PI4KA: variants seen among roughly 807,000 people sequenced by gnomAD.
PI4KA encodes phosphatidylinositol 4-kinase alpha.
In PI4KA, 122 loss-of-function variants were observed where a neutral mutation model predicts 271.4. The ratio of observed to expected loss-of-function variants is 0.45; its 90% CI spans 0.39 to 0.52. The LOEUF is 0.52. PI4KA is among the 20% of genes least tolerant of loss of function. PI4KA has a pLI of 0.00. For synonymous variants in PI4KA, 1,041 were observed against 1,078.8 expected (o/e 0.96, Z 0.69); for missense variants, 1,969 against 2,769.1 (o/e 0.71, Z 6.48).
chr22:20,708,420 G>A (rs2147156321), intron 54 of PI4KA, among the ~76,000 whole-genome samples: 1 of 151,004 alleles, frequency 6.6e-6, no homozygotes, highest in East Asian at 2.0e-4. Context: ...CACCTCTGGA[G>A]AGCCCCTTCT....
rs1438476251 is a variant in PI4KA, at chr22:20,721,338, C to T, written c.5076G>A (p.Lys1692=). Residue 1692 remains lysine (K), a synonymous_variant, in exon 43 of 55, where the codon AAG becomes AAA. Transcript: ENST00000255882. Reference sequence around the variant, plus strand: ...CCTCTTCATCTAGATAAATGTTAGTCTTCATGTTCCAGATGAACTGGTGTG... The same window carrying T: ...CCTCTTCATCTAGATAAATGTTAGTTTTCATGTTCCAGATGAACTGGTGTG... ...LLAHQFIWNM[K]TNIYLDEEGH... The T allele has an allele frequency of 6.2e-7, 1 of 1,613,980 alleles. No individual in the cohort carries two copies. Among genetic ancestry groups the T allele is most frequent in the South Asian group, 1.1e-5 (1 of 91,076 alleles).
Position 20,765,239 on chromosome 22 carries a change from G to A in PI4KA, c.2438-3C>T, listed in dbSNP as rs781007663. ...GTACCATTCTTCTGGCCAGAGTCCT[G>A]CAATAAAGTGAACATAAATGAGGAA... On this transcript the variant is annotated splice_polypyrimidine_tract_variant and splice_region_variant and intron_variant, in intron 20 of 54. Transcript: ENST00000255882. The A allele has an allele frequency of 2.5e-5, 40 of 1,599,408 alleles. 1 individual carries two copies. The South Asian group carries it at 4.1e-4, about 17-fold the overall frequency.
chr22:20,763,021 G>C (rs76514676), intron 22 of PI4KA, among the ~76,000 whole-genome samples: 614 of 52,570 alleles, frequency 0.012, 10 homozygotes, highest in Non-Finnish European at 0.021. Flanking sequence ...TTTTTTTGGG[G>C]GGGGGGGGGG....
chr22:20,850,302 A>C (rs562480492), intron 1 of PI4KA, among the ~76,000 whole-genome samples: 35 of 151,994 alleles, frequency 2.3e-4, no homozygotes, highest in African/African-American at 8.2e-4. Context: ...TTGGGAGGCC[A>C]AGGCAGGTGG....
intron 19 of PI4KA, chr22:20,784,363 T>C (rs1313776831): frequency 1.5e-6 from 2 of 1,353,516 alleles, no homozygotes; most frequent in Non-Finnish European, 2.1e-6. Context: ...CCCAAGAACT[T>C]CCATACAGGG....
At chr22:20,840,565 C>T (rs1015254807) in intron 1 of PI4KA, among the ~76,000 whole-genome samples, 1 of 151,766 alleles carries the variant, frequency 6.6e-6, no homozygotes, top group African/African-American at 2.4e-5. Flanking sequence ...GCTGAGGAGA[C>T]TCCTGCAGCA....
Position 20,718,097 on chromosome 22 carries a change from G to T in PI4KA, c.5247-319C>A, listed in dbSNP as rs2540535. On this transcript the variant is annotated intron_variant, in intron 44 of 54. Transcript: ENST00000255882. ...AACGCTAGCTCCCGTCCTTCATCTC[G>T]TGGGTTAGAAGCTGCCAGCACTGCT... Among the ~76,000 whole-genome samples the T allele has an allele frequency of 7.2e-4, 109 of 152,214 alleles. 1 individual carries two copies. Among genetic ancestry groups the T allele is most frequent in the Admixed American group, 3.1e-3 (47 of 15,286 alleles).
At chr22:20,770,662 G>C (rs1932835829) in intron 19 of PI4KA, among the ~76,000 whole-genome samples, 1 of 149,650 alleles carries the variant, frequency 6.7e-6, no homozygotes. Flanking sequence ...CACAGTGACA[G>C]GGCAAAGGTT....
chr22:20,776,658 C>T (rs1933308753), intron 19 of PI4KA, among the ~76,000 whole-genome samples: 1 of 152,166 alleles, frequency 6.6e-6, no homozygotes, highest in Admixed American at 6.5e-5. Context: ...CAAGGCTGAG[C>T]GCTTGATGTG....
At position 20,798,947 on chromosome 22, in the gene PI4KA, T is replaced by G. The variant is rs1935136245; in HGVS notation, c.2004+146A>C. On this transcript the variant is annotated intron_variant, in intron 16 of 54. Transcript: ENST00000255882. The stretch of plus-strand genomic sequence containing the variant: ...CCCCAGCACTCACAGCATCTTACAC[T>G]ATTCTTACTACTCCGCATTAAAACC... 4 of 677,846 alleles carry G rather than the reference T, an allele frequency of 5.9e-6. No homozygotes were observed. In the South Asian group the frequency reaches 7.7e-5, roughly 13 times the overall value. 42.0% of individuals were successfully genotyped at this position (677,846 alleles called of 1,614,324 possible). A position where few individuals can be genotyped will look rare whatever the true frequency, so the allele number is the denominator to read the frequency against.
At position 20,764,936 on chromosome 22, in the gene PI4KA, C is replaced by T; in HGVS notation, c.2589G>A (p.Glu863=). The change falls in exon 22 of 55, where the codon GAG becomes GAA. Residue 863 remains glutamate, a synonymous_variant. Transcript: ENST00000255882. ...NDTVTPAELS[E]LRSTIINLLD... is the part of the protein sequence containing the mutation. ...GCAGGTTGATGATAGTGCTGCGGAG[C>T]TCACTCAGCTCAGCCTGGAGGGAGA... The T allele has an allele frequency of 6.2e-7, 1 of 1,607,772 alleles. No individual in the cohort carries two copies. Among genetic ancestry groups the T allele is most frequent in the East Asian group, 2.2e-5 (1 of 44,722 alleles).
intron 45 of PI4KA, among the ~76,000 whole-genome samples, chr22:20,715,722 G>A (rs183578311): frequency 2.0e-5 from 3 of 152,070 alleles, no homozygotes; most frequent in African/African-American, 4.8e-5. Flanking sequence ...TGATCCACCC[G>A]CCTTGGCCTC....
intron 17 of PI4KA, among the ~76,000 whole-genome samples, chr22:20,796,688 C>T (rs534315721): frequency 1.3e-5 from 2 of 152,350 alleles, no homozygotes; most frequent in Admixed American, 6.5e-5. Flanking sequence ...CTTGCTTCCC[C>T]CCTACAAATC....
intron 19 of PI4KA, among the ~76,000 whole-genome samples, chr22:20,771,696 C>G (rs765093737): frequency 1.3e-5 from 2 of 151,974 alleles, no homozygotes; most frequent in Non-Finnish European, 2.9e-5. Flanking sequence ...ATTGTCCTGC[C>G]TCAGCCTCCC....
At position 20,813,333 on chromosome 22, in the gene PI4KA, G is replaced by A. The variant is rs372392569; in HGVS notation, c.1005+25C>T. 81 of 1,595,440 alleles carry A rather than the reference G, an allele frequency of 5.1e-5. No homozygotes were observed. The African/African-American group carries it at 1.0e-3, about 20-fold the overall frequency. ...AATTTTACTGACATATCCATGGTCT[G>A]TTCATCCATCAGTTCTTTGCTTACC... is the stretch of plus-strand genomic sequence containing the variant. On this transcript the variant is annotated intron_variant, in intron 8 of 54. Coordinates refer to ENST00000255882, the MANE Select transcript of PI4KA (RefSeq NM_058004.4).
At chr22:20,813,623 A>C in intron 7 of PI4KA, 117 bp from the exon 8 acceptor site, 1 of 788,636 alleles carries the variant, frequency 1.3e-6, no homozygotes, top group Non-Finnish European at 2.0e-6. Context: ...TTATATCCCA[A>C]TTCTCTGCAT....
In PI4KA at chr22:20,746,985, AC is replaced by A. The variant is rs576309411; in HGVS notation, c.3363+597del. Among the ~76,000 whole-genome samples the A allele has an allele frequency of 2.4e-4, 36 of 152,314 alleles. No individual in the cohort carries two copies. The South Asian group carries it at 4.6e-3, about 19-fold the overall frequency. On this transcript the variant is annotated intron_variant, in intron 29 of 54. Coordinates refer to ENST00000255882, the MANE Select transcript of PI4KA (RefSeq NM_058004.4). ...CTCCATTTGGAGAGAGTTGGGAAGC[AC>A]ACATGGCCAGGCTCTAGATTCACAT...
At chr22:20,792,516 C>CT (rs1934710035) in intron 19 of PI4KA, among the ~76,000 whole-genome samples, 1 of 152,084 alleles carries the variant, frequency 6.6e-6, no homozygotes, top group African/African-American at 2.4e-5. Context: ...AAGGGATGGC[C>CT]TAGAAGGTTG....
chr22:20,759,183 A>G (rs1931669417), intron 23 of PI4KA, among the ~76,000 whole-genome samples: 1 of 152,036 alleles, frequency 6.6e-6, no homozygotes, highest in South Asian at 2.1e-4. Flanking sequence ...ACTAGCTAGG[A>G]CGACAGGCAT....
Sources: gnomAD v4.1 joint callset for allele counts (sites outside exome capture counted in the v4.1 genomes callset) on GRCh38, gnomAD v4.1.1 for gene constraint, MANE v1.5 for transcripts, NCBI Gene and HGNC (gene_info 2026-07-23, HGNC 2026-07-21) for gene names.